The following ICMT variants were observed in gnomAD, a reference collection of about 807,000 sequenced individuals.
The protein encoded by ICMT is protein-S-isoprenylcysteine O-methyltransferase.
A neutral mutation model predicts 32.2 loss-of-function variants in ICMT; 10 were observed. The observed-to-expected ratio is 0.31, with a 90% CI of 0.19 to 0.53. ICMT has a LOEUF of 0.53. Among genes scored for constraint, ICMT ranks in the 20% least tolerant of loss-of-function variants. The probability of loss-of-function intolerance (pLI) is 0.96; values close to 1 mark genes in which losing one functional copy is unlikely to be tolerated. For missense variants in ICMT, 265 were observed against 356.9 expected, an observed-to-expected ratio of 0.74 and a Z score of 2.07; for synonymous variants, 183 against 158.2, an observed-to-expected ratio of 1.16 and a Z score of -1.18.
chr1:6,234,184 T>A (rs1381368287), intron 2 of ICMT, among the ~76,000 whole-genome samples: 1 of 152,148 alleles, frequency 6.6e-6, no homozygotes, highest in Non-Finnish European at 1.5e-5. Flanking sequence ...AAGGGACTGT[T>A]TTTGAATGTC....
intron 4 of ICMT, among the ~76,000 whole-genome samples, chr1:6,228,393 A>C (rs1571224374): frequency 6.7e-6 from 1 of 148,236 alleles, no homozygotes; most frequent in South Asian, 2.1e-4. Context: ...CCCAGGCTGG[A>C]GTACGGTGGC....
chr1:6,225,021 C>T lies in ICMT; in HGVS notation c.*59G>A, dbSNP rs1039344195. 7.0e-7 allele frequency: 1 copy of T among 1,427,250 alleles called. No homozygotes were observed. The highest frequency in any genetic ancestry group is 9.6e-7 in the Non-Finnish European group (1 of 1,044,098). 88.4% of individuals were successfully genotyped at this position (1,427,250 alleles called of 1,614,324 possible). A position where few individuals can be genotyped will look rare whatever the true frequency, so the allele number is the denominator to read the frequency against. On this transcript the variant is annotated 3_prime_UTR_variant, in exon 5 of 5. Transcript: ENST00000343813. ...CCATGTGGCAGCGGCCAACCGGAAA[C>T]AGTTTTGTCCCAGGCTGCACAGGGT...
rs1668820570 is a variant in ICMT, at chr1:6,235,920, G to T, written c.-9C>A. ...GCCGCGCAGCCCGCCATGGCGCCGG[G>T]CGGCGGACTAGCGGGCGGCGGCGCC... is the stretch of plus-strand genomic sequence containing the variant. On this transcript the variant is annotated 5_prime_UTR_variant, in exon 1 of 5. Transcript: ENST00000343813. 3.7e-6 allele frequency: 4 copies of T among 1,074,408 alleles called. No homozygotes were observed. The highest frequency in any genetic ancestry group is 8.9e-5 in the South Asian group (2 of 22,406). The allele number at this position is 1,074,408 out of a possible 1,614,324, so 66.6% of individuals were successfully genotyped here. A position where few individuals can be genotyped will look rare whatever the true frequency, so the allele number is the denominator to read the frequency against.
chr1:6,226,000 A>T (rs1557600764), intron 4 of ICMT, among the ~76,000 whole-genome samples: 1 of 152,078 alleles, frequency 6.6e-6, no homozygotes, highest in Non-Finnish European at 1.5e-5. Context: ...GACTAAGGGC[A>T]CATGCCACCA....
In ICMT at chr1:6,225,046, T is replaced by G. The variant is rs370724223; in HGVS notation, c.*34A>C. On this transcript the variant is annotated 3_prime_UTR_variant, in exon 5 of 5. Coordinates refer to ENST00000343813, the MANE Select transcript of ICMT (RefSeq NM_012405.4). ...CAGTTTTGTCCCAGGCTGCACAGGG[T>G]CGGAGGCCCCAAGGTCACCGGGGCC... The G allele has an allele frequency of 2.5e-5, 40 of 1,585,202 alleles. No homozygotes were observed. Among genetic ancestry groups the G allele is most frequent in the Non-Finnish European group, 3.3e-5 (38 of 1,162,408 alleles).
rs1166101495 is a variant in ICMT, at chr1:6,233,639, T to C, written c.289A>G (p.Met97Val). The C allele has an allele frequency of 2.5e-6, 4 of 1,609,368 alleles. No homozygotes were observed. Among genetic ancestry groups the C allele is most frequent in the East Asian group, 2.2e-5 (1 of 44,888 alleles). The change falls in exon 3 of 5, where the codon ATG becomes GTG. Residue 97 changes from methionine to valine, a missense_variant. By Grantham distance (21) the Met-to-Val change is conservative. Transcript: ENST00000343813. Reference sequence around the variant, plus strand: ...TAGTGGAACAATGACAGGGAGCACATGTACCTATTTAAAGACAAAAAGAGA... The same window carrying C: ...TAGTGGAACAATGACAGGGAGCACACGTACCTATTTAAAGACAAAAAGAGA... ...QSSWSHFGWY[M>V]CSLSLFHYSE...
chr1:6,235,877 G>C lies in ICMT; in HGVS notation c.35C>G (p.Ser12Cys), dbSNP rs1029799228. The change falls in exon 1 of 5, where the codon TCT (serine) becomes TGT (cysteine). Residue 12 changes from serine to cysteine, a missense_variant. Physicochemically the swap from Ser to Cys is moderately radical, Grantham distance 112. Coordinates refer to ENST00000343813, the MANE Select transcript of ICMT (RefSeq NM_012405.4). The part of the protein sequence containing the change: ...AGCAARAPPG[S>C]EARLSLATFL... ...GGTGGCGAGGCTGAGACGCGCCTCA[G>C]AGCCCGGCGGAGCCCGCGCCGCGCA... The C allele has an allele frequency of 4.4e-6, 5 of 1,141,900 alleles. No homozygotes were observed. Among genetic ancestry groups the C allele is most frequent in the African/African-American group, 1.7e-5 (1 of 60,162 alleles). 70.7% of individuals were successfully genotyped at this position (1,141,900 alleles called of 1,614,324 possible).
chr1:6,221,971 T>C lies in ICMT; in HGVS notation c.*3109A>G, dbSNP rs1359496008. ...TGACAGTTTTTTAAATCGAGAAAAT[T>C]GGTGATGTGGCCTTGGCAGCAAATA... On this transcript the variant is annotated 3_prime_UTR_variant, in exon 5 of 5. Transcript: ENST00000343813. 6.6e-6 allele frequency: 1 copy of C among 152,234 alleles called. No individual in the cohort carries two copies. The highest frequency in any genetic ancestry group is 2.4e-5 in the African/African-American group (1 of 41,460). The allele number at this position is 152,234 out of a possible 1,614,324, so 9.4% of individuals were successfully genotyped here.
Position 6,222,160 on chromosome 1 carries a change from C to T in ICMT, c.*2920G>A, listed in dbSNP as rs1668564957. ...TCTTGGCTGGGCGTGGTGGCTCACG[C>T]CTGTAATCCCAGCACTTTGGGAGGC... On this transcript the variant is annotated 3_prime_UTR_variant, in exon 5 of 5. Coordinates refer to ENST00000343813, the MANE Select transcript of ICMT (RefSeq NM_012405.4). 6.6e-6 allele frequency: 1 copy of T among 152,298 alleles called. No homozygotes were observed. Among genetic ancestry groups the T allele is most frequent in the African/African-American group, 2.4e-5 (1 of 41,470 alleles). 9.4% of individuals were successfully genotyped at this position (152,298 alleles called of 1,614,324 possible).
At chr1:6,235,008 C>CA in intron 1 of ICMT, 34 bp from the exon 2 acceptor site, 1 of 1,558,192 alleles carries the variant, frequency 6.4e-7, no homozygotes, top group Non-Finnish European at 8.8e-7. Flanking sequence ...CAGTCATTCA[C>CA]AGTCCTCAGA....
Position 6,232,113 on chromosome 1 carries a change from T to C in ICMT, c.461A>G (p.Lys154Arg). ...TLENIFWPEL[K>R]QITWLSVTGL... The stretch of plus-strand genomic sequence containing the variant: ...TGTGACACTGAGCCAGGTAATCTGC[T>C]TCAGTTCTGTGGGAGAGAGACATCA... The change falls in exon 4 of 5, where the codon AAG becomes AGG. Residue 154 changes from lysine (K) to arginine (R), a missense_variant. By Grantham distance (26) the Lys-to-Arg change is conservative. Around this residue, in one of 2 missense-constraint regions of ICMT, gnomAD observed 166 missense variants for 264.3 expected, o/e 0.63. Coordinates refer to ENST00000343813, the MANE Select transcript of ICMT (RefSeq NM_012405.4). 2 of 1,613,206 alleles carry C rather than the reference T, an allele frequency of 1.2e-6. No homozygotes were observed. The highest frequency in any genetic ancestry group is 1.7e-6 in the Non-Finnish European group (2 of 1,179,426).
intron 4 of ICMT, 24 bp from the exon 5 acceptor site, chr1:6,225,286 C>T: frequency 1.2e-6 from 2 of 1,606,500 alleles, no homozygotes; most frequent in Non-Finnish European, 1.7e-6. Context: ...ACACCAGGCT[C>T]ATCAGGGTGA....
At chr1:6,229,722 T>C (rs1469162368) in intron 4 of ICMT, among the ~76,000 whole-genome samples, 2 of 151,626 alleles carry the variant, frequency 1.3e-5, no homozygotes, top group Admixed American at 6.6e-5. Context: ...CAATGCACTA[T>C]AGCCTGGGTG....
Position 6,223,699 on chromosome 1 carries a change from T to C in ICMT, c.*1381A>G, listed in dbSNP as rs769226385. The C allele has an allele frequency of 2.6e-5, 4 of 152,246 alleles. No homozygotes were observed. The highest frequency in any genetic ancestry group is 4.4e-5 in the Non-Finnish European group (3 of 68,044). The allele number at this position is 152,246 out of a possible 1,614,324, so 9.4% of individuals were successfully genotyped here. A position where few individuals can be genotyped will look rare whatever the true frequency, so the allele number is the denominator to read the frequency against. On this transcript the variant is annotated 3_prime_UTR_variant, in exon 5 of 5. Coordinates refer to ENST00000343813, the MANE Select transcript of ICMT (RefSeq NM_012405.4). ...CAACACCCCTGTGAGGTAGGTGGTA[T>C]TGACCCCATTCCACAGATGGGGAGG...
chr1:6,233,530 G>A lies in ICMT; in HGVS notation c.398C>T (p.Thr133Ile). 3 of 1,614,134 alleles carry A rather than the reference G, an allele frequency of 1.9e-6. No individual in the cohort carries two copies. Among genetic ancestry groups the A allele is most frequent in the Middle Eastern group, 3.3e-4 (2 of 6,062 alleles). The change falls in exon 3 of 5, where the codon ACA becomes ATA. Residue 133 changes from threonine (T) to isoleucine (I), a missense_variant. This residue lies in a region of ICMT where 166 missense variants were observed against 264.3 expected (regional missense o/e 0.63). Coordinates refer to ENST00000343813, the MANE Select transcript of ICMT (RefSeq NM_012405.4). ...TAACCAAGAAGAAAGAGCAGCTACT[G>A]TATACTCCAGGCTGTGATTCAGGAG... Reference protein sequence around the residue: ...SFLLNHSLEYTVAALSSWLEF... With the variant: ...SFLLNHSLEYIVAALSSWLEF...
chr1:6,225,532 A>G (rs1393603250), intron 4 of ICMT, among the ~76,000 whole-genome samples: 1 of 152,150 alleles, frequency 6.6e-6, no homozygotes, highest in Non-Finnish European at 1.5e-5. Context: ...TTGGGGTGAC[A>G]GCAATGCCCC....
At chr1:6,230,803 C>T (rs143726431) in intron 4 of ICMT, among the ~76,000 whole-genome samples, 6,726 of 151,340 alleles carry the variant, frequency 0.044, 221 homozygotes, top group African/African-American at 0.09. Flanking sequence ...GCAAGAGAAT[C>T]GCTTGAACCT....
intron 1 of ICMT, among the ~76,000 whole-genome samples, chr1:6,235,221 C>G (rs1360084282): frequency 6.6e-6 from 1 of 152,202 alleles, no homozygotes; most frequent in East Asian, 1.9e-4. Context: ...ACAGTACCTA[C>G]CTTTTAGGAC....
intron 4 of ICMT, among the ~76,000 whole-genome samples, chr1:6,230,608 A>G (rs948329646): frequency 1.0e-3 from 147 of 144,914 alleles, no homozygotes; most frequent in Non-Finnish European, 1.6e-3. Context: ...AAAAAAAAAA[A>G]GCTGGGCACG....
Sources: allele counts gnomAD v4.1 joint callset (sites outside exome capture counted in the v4.1 genomes callset), GRCh38; gene constraint gnomAD v4.1.1; regional missense constraint gnomAD v4.1.1; transcripts MANE v1.5; gene names NCBI Gene and HGNC (gene_info 2026-07-23, HGNC 2026-07-21).